Variants in FGD3 observed in about 807,000 individuals in gnomAD.
FGD3 encodes the protein FYVE, RhoGEF and PH domain containing 3, also known as FYVE, RhoGEF and PH domain-containing protein 3.
FGD3 carries 45 observed loss-of-function variants against 71.8 expected under a neutral mutation model. That is an observed-to-expected ratio of 0.63 (90% CI 0.49 to 0.80). FGD3 has a LOEUF of 0.80. Ranked by LOEUF, FGD3 falls within the 30% of genes least tolerant of loss-of-function variation. FGD3 has a pLI of 0.00. For missense variants in FGD3, 844 were observed against 951.5 expected (o/e 0.89, Z 1.49); for synonymous variants, 378 against 392.8 (o/e 0.96, Z 0.44).
chr9:93,006,297 A>G (rs980296469), intron 6 of FGD3, 117 bp downstream of exon 6: 4 of 1,148,124 alleles, frequency 3.5e-6, no homozygotes, highest in Non-Finnish European at 4.5e-6. Context: ...GTAACATGAC[A>G]TTACTAAAAT....
At chr9:92,973,060 T>C (rs1481069718) in intron 1 of FGD3, among the ~76,000 whole-genome samples, 1 of 151,998 alleles carries the variant, frequency 6.6e-6, no homozygotes, top group African/African-American at 2.4e-5. Context: ...TCAGTTTATA[T>C]TGAATTTTTT....
At chr9:92,997,147 A>C (rs893033982) in intron 3 of FGD3, among the ~76,000 whole-genome samples, 6 of 152,178 alleles carry the variant, frequency 3.9e-5, no homozygotes, top group Non-Finnish European at 7.3e-5. Context: ...TGCTTTATGA[A>C]TATGGGTGCT....
At chr9:92,982,566 T>G (rs1860036512) in intron 3 of FGD3, among the ~76,000 whole-genome samples, 1 of 107,164 alleles carries the variant, frequency 9.3e-6, no homozygotes, top group South Asian at 3.6e-4. Context: ...ATGTATTCAT[T>G]CATTTTTTTT....
chr9:92,948,980 G>T (rs1003568233), intron 1 of FGD3, among the ~76,000 whole-genome samples: 2 of 152,208 alleles, frequency 1.3e-5, no homozygotes, highest in African/African-American at 4.8e-5. Flanking sequence ...CAGAGGTTGG[G>T]CTGGGACTGG....
chr9:92,984,385 GAC>G (rs1323085403), intron 3 of FGD3, among the ~76,000 whole-genome samples: 1 of 152,040 alleles, frequency 6.6e-6, no homozygotes, highest in East Asian at 1.9e-4. Context: ...TTTTGAATTA[GAC>G]AAATTAATTT....
At chr9:92,987,458 A>G (rs1280941460) in intron 3 of FGD3, among the ~76,000 whole-genome samples, 1 of 152,012 alleles carries the variant, frequency 6.6e-6, no homozygotes, top group Non-Finnish European at 1.5e-5. Context: ...AAGAAAGAAA[A>G]AAAAGAAAAA....
intron 6 of FGD3, among the ~76,000 whole-genome samples, chr9:93,007,873 A>G (rs561157114): frequency 6.6e-5 from 10 of 152,254 alleles, no homozygotes; most frequent in African/African-American, 2.4e-4. Context: ...GGATGCTGCA[A>G]AACACGTTGC....
At chr9:93,021,809 C>T (rs1861929141) in intron 13 of FGD3, among the ~76,000 whole-genome samples, 1 of 152,216 alleles carries the variant, frequency 6.6e-6, no homozygotes. Context: ...TTTGCAAGAA[C>T]TTTGCACCAT....
At chr9:93,000,211 CTT>C (rs975955426) in intron 3 of FGD3, among the ~76,000 whole-genome samples, 5 of 152,162 alleles carry the variant, frequency 3.3e-5, no homozygotes, top group East Asian at 1.9e-4. Context: ...AAACTCTACT[CTT>C]TTACAATTCC....
intron 16 of FGD3, 63 bp downstream of exon 16, chr9:93,032,936 CTG>C: frequency 6.9e-7 from 1 of 1,452,662 alleles, no homozygotes; most frequent in Non-Finnish European, 9.7e-7. Flanking sequence ...ACACCTGCTC[CTG>C]TGCCCCAGCA....
intron 1 of FGD3, among the ~76,000 whole-genome samples, chr9:92,967,341 T>C (rs1234886618): frequency 6.6e-6 from 1 of 152,112 alleles, no homozygotes; most frequent in Non-Finnish European, 1.5e-5. Context: ...GCCATCCATC[T>C]CCAGAGCGTC....
chr9:93,008,667 C>T (rs1486446629), intron 6 of FGD3, among the ~76,000 whole-genome samples: 1 of 152,100 alleles, frequency 6.6e-6, no homozygotes, highest in Non-Finnish European at 1.5e-5. Flanking sequence ...GGTTTTTTCC[C>T]CTATTAAGTT....
At chr9:93,024,017 GGT>G (rs1329153100) in intron 14 of FGD3, among the ~76,000 whole-genome samples, 1 of 151,898 alleles carries the variant, frequency 6.6e-6, no homozygotes, top group African/African-American at 2.4e-5. Context: ...TGGCCAGGAT[GGT>G]CTCAATCTCT....
chr9:93,019,927 T>A, intron 12 of FGD3, 66 bp downstream of exon 12: 1 of 1,576,780 alleles, frequency 6.3e-7, no homozygotes, highest in South Asian at 1.1e-5. Flanking sequence ...CCATTCATGT[T>A]GGTTCAGAGG....
chr9:92,957,440 G>T (rs1298763140), intron 1 of FGD3, among the ~76,000 whole-genome samples: 1 of 152,022 alleles, frequency 6.6e-6, no homozygotes, highest in Non-Finnish European at 1.5e-5. Context: ...GTGGTTTTTA[G>T]TTTCCCTGAT....
At chr9:92,982,277 G>A (rs1366147683) in intron 3 of FGD3, among the ~76,000 whole-genome samples, 1 of 152,130 alleles carries the variant, frequency 6.6e-6, no homozygotes, top group Non-Finnish European at 1.5e-5. Context: ...TTAACTAAAT[G>A]TTGTCTAGTT....
In FGD3 at chr9:93,035,434, C is replaced by T; in HGVS notation, c.2023C>T (p.Gln675Ter). 2 of 1,612,576 alleles carry T rather than the reference C, an allele frequency of 1.2e-6. No individual in the cohort carries two copies. Among genetic ancestry groups the T allele is most frequent in the Non-Finnish European group, 1.7e-6 (2 of 1,179,540 alleles). Residue 675 changes from glutamine to a stop codon, truncating the protein, a stop_gained, in exon 18 of 18, where the codon CAG becomes TAG. Transcript: ENST00000375482. LOFTEE classifies it low-confidence loss of function (END_TRUNC). The part of the protein sequence containing the change: ...RLDSGHVWKL[Q>*]WAKQSWYLSA... ...GGACTCGGGGCATGTGTGGAAGCTGCAGTGGGCCAAGCAGTCCTGGTACCT... is the reference window on the plus strand; with the variant it reads ...GGACTCGGGGCATGTGTGGAAGCTGTAGTGGGCCAAGCAGTCCTGGTACCT...
intron 6 of FGD3, among the ~76,000 whole-genome samples, chr9:93,009,494 C>T (rs1020602241): frequency 8.5e-5 from 13 of 152,234 alleles, no homozygotes; most frequent in South Asian, 2.1e-4. Context: ...GTGGACAGGA[C>T]GACAAAGTCA....
chr9:93,027,401 G>C (rs956661246), intron 14 of FGD3, among the ~76,000 whole-genome samples: 1 of 152,174 alleles, frequency 6.6e-6, no homozygotes, highest in Non-Finnish European at 1.5e-5. Flanking sequence ...CCTTGGCTTG[G>C]AGATGTCAGT....
Sources: allele counts gnomAD v4.1 joint callset (sites outside exome capture counted in the v4.1 genomes callset), GRCh38; gene constraint gnomAD v4.1.1; transcripts MANE v1.5; gene names NCBI Gene and HGNC (gene_info 2026-07-23, HGNC 2026-07-21).